The following PXDNL variants were observed in gnomAD, a reference collection of about 807,000 sequenced individuals.
The protein encoded by PXDNL is probable oxidoreductase PXDNL.
PXDNL carries 145 observed loss-of-function variants against 150.8 expected under a neutral mutation model. The observed-to-expected ratio is 0.96, with a 90% CI of 0.84 to 1.10. The LOEUF (loss-of-function observed/expected upper bound fraction) is 1.10, where lower values mean the gene tolerates loss of function less well. Among genes scored for constraint, PXDNL ranks in the 50% least tolerant of loss-of-function variants. PXDNL has a pLI of 0.00. For synonymous variants in PXDNL, 757 were observed against 725.7 expected (o/e 1.04, Z -0.69); for missense variants, 2,087 against 1,873.9 (o/e 1.11, Z -2.10).
At chr8:51,552,615 C>T (rs752211064) in intron 4 of PXDNL, among the ~76,000 whole-genome samples, 3 of 151,964 alleles carry the variant, frequency 2.0e-5, no homozygotes, top group Non-Finnish European at 4.4e-5. Context: ...CTCATAAGTG[C>T]GAACTAAGCT....
At chr8:51,474,323 T>A (rs1810424102) in intron 7 of PXDNL, among the ~76,000 whole-genome samples, 1 of 152,174 alleles carries the variant, frequency 6.6e-6, no homozygotes, top group African/African-American at 2.4e-5. Flanking sequence ...CATATTCTTA[T>A]ATTCACATGA....
At chr8:51,429,221 C>CA (rs1809189704) in intron 12 of PXDNL, among the ~76,000 whole-genome samples, 1 of 152,130 alleles carries the variant, frequency 6.6e-6, no homozygotes, top group Non-Finnish European at 1.5e-5. Context: ...ATTACTCATA[C>CA]ATTGTTGGTG....
intron 12 of PXDNL, among the ~76,000 whole-genome samples, chr8:51,437,072 T>G (rs1329502282): frequency 6.6e-6 from 1 of 152,076 alleles, no homozygotes; most frequent in East Asian, 1.9e-4. Context: ...TATGCAAACC[T>G]TCATGTGCAC....
intron 1 of PXDNL, among the ~76,000 whole-genome samples, chr8:51,678,964 C>T (rs934647390): frequency 2.6e-5 from 4 of 152,270 alleles, no homozygotes; most frequent in African/African-American, 4.8e-5. Flanking sequence ...ACATGCCTGA[C>T]GTTGTTCTAA....
intron 1 of PXDNL, among the ~76,000 whole-genome samples, chr8:51,712,293 TA>T (rs1230613916): frequency 1.3e-5 from 2 of 151,976 alleles, no homozygotes; most frequent in African/African-American, 4.8e-5. Context: ...TGTGTTTATC[TA>T]AAAAAAACTA....
intron 1 of PXDNL, among the ~76,000 whole-genome samples, chr8:51,717,561 T>C (rs933913126): frequency 6.6e-6 from 1 of 152,176 alleles, no homozygotes; most frequent in African/African-American, 2.4e-5. Context: ...TGTTGCAGGA[T>C]CTGAGAAGCC....
chr8:51,660,648 T>C lies in PXDNL; in HGVS notation c.165-5888A>G, dbSNP rs1815252055. 2.0e-5 allele frequency among the ~76,000 whole-genome samples: 3 copies of C among 152,010 alleles called. No individual in the cohort carries two copies. In the South Asian group the frequency reaches 6.2e-4, roughly 32 times the overall value. ...GTACCTGGGCCAAAAGCATTCCTAT[T>C]GAAGGTAAGGATGCAATTAAGTCAC... On this transcript the variant is annotated intron_variant, in intron 1 of 22. Transcript: ENST00000356297.
chr8:51,742,075 A>C (rs2130954595), intron 1 of PXDNL, among the ~76,000 whole-genome samples: 1 of 152,368 alleles, frequency 6.6e-6, no homozygotes, highest in South Asian at 2.1e-4. Context: ...GAAAGAAATG[A>C]GCTCCTGATG....
intron 2 of PXDNL, among the ~76,000 whole-genome samples, chr8:51,633,978 G>A (rs1814547704): frequency 6.6e-6 from 1 of 152,094 alleles, no homozygotes; most frequent in Non-Finnish European, 1.5e-5. Flanking sequence ...GAGCTCTATA[G>A]TTTAATCAGG....
chr8:51,390,793 G>C lies in PXDNL; in HGVS notation c.3558-16062C>G, dbSNP rs1478927935. Among the ~76,000 whole-genome samples the C allele has an allele frequency of 2.0e-5, 3 of 151,644 alleles. No homozygotes were observed. In the South Asian group the frequency reaches 6.3e-4, roughly 32 times the overall value. On this transcript the variant is annotated intron_variant, in intron 17 of 22. Transcript: ENST00000356297. ...AAGTTTTAGGGTACATGTGCACAAT[G>C]TGCAGGTTAGTTACATATGTATACA...
At chr8:51,445,819 G>T (rs1001078513) in intron 12 of PXDNL, among the ~76,000 whole-genome samples, 1 of 152,136 alleles carries the variant, frequency 6.6e-6, no homozygotes, top group African/African-American at 2.4e-5. Context: ...GAAACATTCT[G>T]CAGACAAGCT....
At chr8:51,502,085 C>CAAAAAA (rs577849232) in intron 4 of PXDNL, among the ~76,000 whole-genome samples, 2 of 150,994 alleles carry the variant, frequency 1.3e-5, no homozygotes, top group Admixed American at 6.6e-5. Context: ...AGAGCAACAG[C>CAAAAAA]AAAAAAAAAT....
chr8:51,516,042 A>T (rs1456544124), intron 4 of PXDNL, among the ~76,000 whole-genome samples: 2 of 152,242 alleles, frequency 1.3e-5, no homozygotes, highest in African/African-American at 4.8e-5. Flanking sequence ...TATTTTCAAT[A>T]ATAAAACAAT....
chr8:51,658,853 C>T (rs530023834), intron 1 of PXDNL, among the ~76,000 whole-genome samples: 1 of 152,282 alleles, frequency 6.6e-6, no homozygotes, highest in Admixed American at 6.5e-5. Flanking sequence ...CTCCACAGTA[C>T]TCCACAGTGC....
chr8:51,763,363 T>C (rs28635761), intron 1 of PXDNL, among the ~76,000 whole-genome samples: 20,960 of 149,974 alleles, frequency 0.14, 2,652 homozygotes, highest in African/African-American at 0.33. Flanking sequence ...ATGACCTTCC[T>C]GGGGCATTCA....
intron 2 of PXDNL, among the ~76,000 whole-genome samples, chr8:51,594,471 A>AT (rs1813519796): frequency 6.6e-6 from 1 of 152,240 alleles, no homozygotes; most frequent in Non-Finnish European, 1.5e-5. Context: ...TCTTCAGTAT[A>AT]TTAAATGTGC....
chr8:51,386,113 A>G (rs970044601), intron 17 of PXDNL, among the ~76,000 whole-genome samples: 1 of 150,856 alleles, frequency 6.6e-6, no homozygotes, highest in Admixed American at 6.6e-5. Context: ...TTTTTTTGAC[A>G]TAAGACTCTT....
At chr8:51,493,593 G>C (rs1055272242) in intron 5 of PXDNL, among the ~76,000 whole-genome samples, 3 of 152,224 alleles carry the variant, frequency 2.0e-5, no homozygotes, top group African/African-American at 7.2e-5. Context: ...TAAAGGACCT[G>C]ATGGAGCTGA....
chr8:51,614,061 G>A (rs550911790), intron 2 of PXDNL, among the ~76,000 whole-genome samples: 2 of 152,248 alleles, frequency 1.3e-5, no homozygotes, highest in African/African-American at 2.4e-5. Flanking sequence ...TATTTTGTAC[G>A]CTATTGACTA....
Sources: allele counts gnomAD v4.1 joint callset (sites outside exome capture counted in the v4.1 genomes callset), GRCh38; gene constraint gnomAD v4.1.1; transcripts MANE v1.5; gene names NCBI Gene and HGNC (gene_info 2026-07-23, HGNC 2026-07-21).